Variants in PRDM5 observed in about 807,000 individuals in gnomAD.
PRDM5 encodes the protein PR/SET domain 5, also known as PR domain zinc finger protein 5.
In PRDM5, 56 loss-of-function variants were observed where a neutral mutation model predicts 81.2. The observed-to-expected ratio is 0.69, with a 90% CI of 0.56 to 0.86. PRDM5 has a LOEUF of 0.86. Among genes scored for constraint, PRDM5 ranks in the 40% least tolerant of loss-of-function variants. The pLI, the probability that PRDM5 is intolerant of heterozygous loss-of-function variation, is 0.00. For missense variants in PRDM5, 697 were observed against 770.1 expected (o/e 0.91, Z 1.12); for synonymous variants, 267 against 256.4 (o/e 1.04, Z -0.39).
At chr4:120,705,519 A>G (rs1298476326) in intron 15 of PRDM5, among the ~76,000 whole-genome samples, 1 of 152,144 alleles carries the variant, frequency 6.6e-6, no homozygotes, top group Non-Finnish European at 1.5e-5. Flanking sequence ...ATGTAGATTC[A>G]GGGTAGGTTC....
At chr4:120,800,649 A>G (rs1466598249) in intron 8 of PRDM5, among the ~76,000 whole-genome samples, 1 of 152,194 alleles carries the variant, frequency 6.6e-6, no homozygotes, top group African/African-American at 2.4e-5. Context: ...CACGAAGATT[A>G]CAATTGATAA....
chr4:120,895,056 A>G (rs1764466333), intron 2 of PRDM5, among the ~76,000 whole-genome samples: 1 of 152,236 alleles, frequency 6.6e-6, no homozygotes, highest in Non-Finnish European at 1.5e-5. Flanking sequence ...AAGTGCATGT[A>G]CATGATAATG....
At chr4:120,921,038 G>T (rs2148725485) in intron 1 of PRDM5, among the ~76,000 whole-genome samples, 1 of 152,178 alleles carries the variant, frequency 6.6e-6, no homozygotes, top group South Asian at 2.1e-4. Flanking sequence ...AAACAACAAG[G>T]ATTATATAAT....
intron 3 of PRDM5, among the ~76,000 whole-genome samples, chr4:120,827,296 C>T (rs1756131797): frequency 6.6e-6 from 1 of 152,092 alleles, no homozygotes; most frequent in African/African-American, 2.4e-5. Context: ...AAAGCTTCTC[C>T]AAATATGATG....
intron 3 of PRDM5, among the ~76,000 whole-genome samples, chr4:120,841,975 T>A (rs1758086359): frequency 6.6e-6 from 1 of 152,224 alleles, no homozygotes. Context: ...ATTTGTTACG[T>A]ATGATTTGAA....
At chr4:120,770,984 T>C (rs1185120214) in intron 13 of PRDM5, among the ~76,000 whole-genome samples, 1 of 152,154 alleles carries the variant, frequency 6.6e-6, no homozygotes, top group Admixed American at 6.6e-5. Flanking sequence ...AAATGCTTTA[T>C]TCTTACAAAA....
chr4:120,805,960 C>T (rs1255183727), intron 8 of PRDM5, among the ~76,000 whole-genome samples: 1 of 152,164 alleles, frequency 6.6e-6, no homozygotes, highest in East Asian at 1.9e-4. Flanking sequence ...CCCATCATCT[C>T]AGTCCAAAAT....
chr4:120,893,823 A>G, intron 2 of PRDM5, among the ~76,000 whole-genome samples: 1 of 152,258 alleles, frequency 6.6e-6, no homozygotes, highest in South Asian at 2.1e-4. Context: ...CTTAAAGTGC[A>G]TTTTATCAAA....
intron 14 of PRDM5, among the ~76,000 whole-genome samples, chr4:120,717,722 C>A (rs1737998608): frequency 6.6e-6 from 1 of 152,156 alleles, no homozygotes; most frequent in Non-Finnish European, 1.5e-5. Context: ...AACCTCGGAT[C>A]CCTGGATGGA....
At chr4:120,818,941 G>A (rs1270170751) in intron 4 of PRDM5, among the ~76,000 whole-genome samples, 1 of 152,132 alleles carries the variant, frequency 6.6e-6, no homozygotes, top group African/African-American at 2.4e-5. Flanking sequence ...ACATACATGT[G>A]AAAAAAGACC....
rs746442268 is a variant in PRDM5 at position 120,777,193 on chromosome 4, T to C, written c.1532A>G (p.His511Arg). ...SGTLRVHIRS[H>R]TGERPYQCPY... The stretch of plus-strand genomic sequence containing the variant: ...TCTAATTACAATCTCCATACCTGTG[T>C]GGCTCCGGATATGAACTCTGAGTGT... The change falls in exon 13 of 16, where the codon CAC (histidine) becomes CGC (arginine). Residue 511 changes from histidine (H) to arginine (R), a missense_variant. His to Arg is a conservative substitution (Grantham distance 29, BLOSUM62 0). Transcript: ENST00000264808. The C allele has an allele frequency of 1.2e-6, 2 of 1,613,280 alleles. No individual in the cohort carries two copies. The highest frequency in any genetic ancestry group is 1.7e-6 in the Non-Finnish European group (2 of 1,179,494).
chr4:120,759,886 A>C (rs1745342186), intron 13 of PRDM5, among the ~76,000 whole-genome samples: 1 of 152,254 alleles, frequency 6.6e-6, no homozygotes, highest in African/African-American at 2.4e-5. Flanking sequence ...TCTAAATGGA[A>C]ATAATAACAA....
At chr4:120,696,076 G>C (rs1734485667) in intron 15 of PRDM5, among the ~76,000 whole-genome samples, 1 of 151,810 alleles carries the variant, frequency 6.6e-6, no homozygotes, top group Non-Finnish European at 1.5e-5. Flanking sequence ...AAAAATCCTT[G>C]CCCTCTTTCT....
chr4:120,908,133 A>T (rs1375264799), intron 1 of PRDM5, among the ~76,000 whole-genome samples: 1 of 152,252 alleles, frequency 6.6e-6, no homozygotes, highest in Non-Finnish European at 1.5e-5. Context: ...CACCCGTGTT[A>T]CTAGTTTGAG....
At chr4:120,783,474 T>A (rs1328367768) in intron 11 of PRDM5, among the ~76,000 whole-genome samples, 1 of 152,116 alleles carries the variant, frequency 6.6e-6, no homozygotes, top group Non-Finnish European at 1.5e-5. Flanking sequence ...TTACTTCTGT[T>A]AAGAATTCCT....
intron 2 of PRDM5, among the ~76,000 whole-genome samples, chr4:120,880,421 T>C (rs562881332): frequency 6.6e-6 from 1 of 152,318 alleles, no homozygotes; most frequent in African/African-American, 2.4e-5. Context: ...ACCACATATG[T>C]AATTTTAATA....
chr4:120,890,932 C>A (rs1252226697), intron 2 of PRDM5, among the ~76,000 whole-genome samples: 2 of 152,178 alleles, frequency 1.3e-5, no homozygotes, highest in Non-Finnish European at 2.9e-5. Context: ...TGTCTGTTTA[C>A]ACTGTTCATA....
At chr4:120,877,207 T>G (rs1169406471) in intron 2 of PRDM5, among the ~76,000 whole-genome samples, 2 of 152,206 alleles carry the variant, frequency 1.3e-5, no homozygotes, top group African/African-American at 4.8e-5. Flanking sequence ...GCTATATTTT[T>G]ACGGCCTTGA....
At chr4:120,876,577 A>G (rs564682006) in intron 2 of PRDM5, among the ~76,000 whole-genome samples, 2 of 152,198 alleles carry the variant, frequency 1.3e-5, no homozygotes, top group African/African-American at 2.4e-5. Flanking sequence ...CCAAACAACT[A>G]AAGAGAAACA....
Sources: gnomAD v4.1 joint callset for allele counts (sites outside exome capture counted in the v4.1 genomes callset) on GRCh38, gnomAD v4.1.1 for gene constraint, MANE v1.5 for transcripts, NCBI Gene and HGNC (gene_info 2026-07-23, HGNC 2026-07-21) for gene names.